KCNJ16: variants seen among roughly 807,000 people sequenced by gnomAD.
KCNJ16 encodes inward rectifier potassium channel 16.
A neutral mutation model predicts 18.5 loss-of-function variants in KCNJ16; 15 were observed. That is an observed-to-expected ratio of 0.81 (90% CI 0.54 to 1.25). KCNJ16 has a LOEUF of 1.25. Ranked by LOEUF, KCNJ16 falls within the 50% of genes most tolerant of loss-of-function variation. The pLI, the probability that KCNJ16 is intolerant of heterozygous loss-of-function variation, is 0.00. For missense variants in KCNJ16, 523 were observed against 525.7 expected (o/e 0.99, Z 0.05); for synonymous variants, 174 against 186.5 (o/e 0.93, Z 0.55).
intron 2 of KCNJ16, among the ~76,000 whole-genome samples, chr17:70,123,276 AAC>A (rs761512347): frequency 6.6e-6 from 1 of 151,476 alleles, no homozygotes; most frequent in Non-Finnish European, 1.5e-5. Flanking sequence ...TTGAAAAGAT[AAC>A]AGTTTAGCTT....
In KCNJ16 at chr17:70,132,980, C is replaced by G. The variant is rs1392272217; in HGVS notation, c.893C>G (p.Ser298Cys). The change falls in exon 4 of 4, where the codon TCC (serine) becomes TGC (cysteine). Residue 298 changes from serine to cysteine, a missense_variant. Ser to Cys is a moderately radical substitution (Grantham distance 112, BLOSUM62 -1). Transcript: ENST00000392671. The part of the protein sequence containing the change: ...STGTSHQSRS[S>C]YVPREILWGH... The stretch of plus-strand genomic sequence containing the variant: ...GGAACATCTCACCAATCTAGAAGCT[C>G]CTATGTTCCCCGAGAAATTCTCTGG... The G allele has an allele frequency of 2.5e-6, 4 of 1,614,032 alleles. No homozygotes were observed. In the Admixed American group the frequency reaches 5.0e-5, roughly 20 times the overall value.
At chr17:70,101,081 T>C (rs1337120167) in intron 2 of KCNJ16, 1 of 152,250 alleles carries the variant, frequency 6.6e-6, no homozygotes, top group African/African-American at 2.4e-5. Context: ...AAAACTTGTC[T>C]ACTTGGTTAT....
intron 2 of KCNJ16, among the ~76,000 whole-genome samples, chr17:70,113,033 C>G (rs1254866337): frequency 2.0e-5 from 3 of 152,178 alleles, no homozygotes; most frequent in African/African-American, 7.2e-5. Flanking sequence ...TCTTTCTCAT[C>G]TGATAGCTTG....
chr17:70,083,935 G>A (rs1024806018), intron 1 of KCNJ16, among the ~76,000 whole-genome samples: 8 of 152,046 alleles, frequency 5.3e-5, no homozygotes, highest in Non-Finnish European at 1.0e-4. Context: ...GCCCATGTTG[G>A]TGTCCCATGG....
At chr17:70,120,209 T>C (rs2073576572) in intron 2 of KCNJ16, among the ~76,000 whole-genome samples, 3 of 152,190 alleles carry the variant, frequency 2.0e-5, no homozygotes, top group African/African-American at 7.2e-5. Context: ...CATTTCCATC[T>C]GAGACCGTGT....
chr17:70,097,489 G>A, intron 1 of KCNJ16, among the ~76,000 whole-genome samples: 1 of 152,108 alleles, frequency 6.6e-6, no homozygotes, highest in East Asian at 1.9e-4. Flanking sequence ...AGAAATAAGA[G>A]CTCCATCAGG....
chr17:70,099,361 A>C (rs1463736882), intron 1 of KCNJ16, among the ~76,000 whole-genome samples: 1 of 152,230 alleles, frequency 6.6e-6, no homozygotes, highest in Non-Finnish European at 1.5e-5. Flanking sequence ...TCCTGGAAGT[A>C]GTACGAGACT....
chr17:70,129,284 C>A (rs1042820222), intron 2 of KCNJ16, among the ~76,000 whole-genome samples: 11 of 152,198 alleles, frequency 7.2e-5, no homozygotes, highest in South Asian at 4.1e-4. Context: ...GAGTTTTAAT[C>A]CTAAGAAACA....
chr17:70,096,321 T>C (rs1475819809), intron 1 of KCNJ16, among the ~76,000 whole-genome samples: 5 of 152,294 alleles, frequency 3.3e-5, no homozygotes, highest in East Asian at 1.9e-4. Context: ...ATAGTTCAAA[T>C]TGGCTCTATT....
In KCNJ16 at chr17:70,135,559, A is replaced by G. The variant is rs565492681; in HGVS notation, c.*2215A>G. On this transcript the variant is annotated 3_prime_UTR_variant, in exon 4 of 4. Coordinates refer to ENST00000392671, the MANE Select transcript of KCNJ16 (RefSeq NM_170741.4). ...CTGTGTAATTTTATAACATACTTTG[A>G]CAACCCCAGTGAGTTACTTAATAAT... 6.0e-6 allele frequency: 1 copy of G among 166,834 alleles called. No homozygotes were observed. The highest frequency in any genetic ancestry group is 1.9e-4 in the East Asian group (1 of 5,186). The allele number at this position is 166,834 out of a possible 1,614,324, so 10.3% of individuals were successfully genotyped here.
intron 2 of KCNJ16, among the ~76,000 whole-genome samples, chr17:70,126,849 G>T (rs931829701): frequency 1.3e-5 from 2 of 152,194 alleles, no homozygotes; most frequent in African/African-American, 2.4e-5. Context: ...CGTAATCCCA[G>T]ATTCTACATT....
intron 1 of KCNJ16, among the ~76,000 whole-genome samples, chr17:70,084,705 T>A (rs1211121362): frequency 6.6e-6 from 1 of 152,162 alleles, no homozygotes; most frequent in Non-Finnish European, 1.5e-5. Context: ...ATTATGCTGA[T>A]TTTGCTAATC....
chr17:70,089,082 C>G (rs180988792), intron 1 of KCNJ16, among the ~76,000 whole-genome samples: 2 of 152,200 alleles, frequency 1.3e-5, no homozygotes, highest in Non-Finnish European at 2.9e-5. Context: ...TACTTTGGTC[C>G]TACGTTGCTG....
rs1432307668 is a variant in KCNJ16, at chr17:70,135,356, A to T, written c.*2012A>T. The T allele has an allele frequency of 3.0e-5, 5 of 167,056 alleles. No individual in the cohort carries two copies. The highest frequency in any genetic ancestry group is 7.3e-5 in the Non-Finnish European group (5 of 68,110). 10.3% of individuals were successfully genotyped at this position (167,056 alleles called of 1,614,324 possible). ...TTTTACCTACATCTAGTTTCATTTC[A>T]TCTTGCTTTGCTTTGTTGACTCTGC... On this transcript the variant is annotated 3_prime_UTR_variant, in exon 4 of 4. Transcript: ENST00000392671.
intron 1 of KCNJ16, among the ~76,000 whole-genome samples, chr17:70,075,901 T>A (rs904214311): frequency 2.6e-5 from 4 of 152,150 alleles, no homozygotes; most frequent in Non-Finnish European, 4.4e-5. Context: ...TTTTTCTAGA[T>A]TTATTTTAAC....
At position 70,133,288 on chromosome 17, in the gene KCNJ16, C is replaced by A. The variant is rs200479019; in HGVS notation, c.1201C>A (p.Pro401Thr). ...TSATHEYRET[P>T]YQKALLTLNR... ...CGCCACACATGAATATAGGGAAACA[C>A]CTTATCAGAAAGCTCTCCTGACTTT... Residue 401 changes from proline to threonine, a missense_variant, in exon 4 of 4, where the codon CCT (proline) becomes ACT (threonine). Pro to Thr is a conservative substitution (Grantham distance 38, BLOSUM62 -1). Coordinates refer to ENST00000392671, the MANE Select transcript of KCNJ16 (RefSeq NM_170741.4). 11 of 1,613,940 alleles carry A rather than the reference C, an allele frequency of 6.8e-6. No individual in the cohort carries two copies. The highest frequency in any genetic ancestry group is 9.3e-6 in the Non-Finnish European group (11 of 1,179,944).
Position 70,131,992 on chromosome 17 carries a change from T to C in KCNJ16, c.-93-3T>C. ...GTGTGTTTTTGTTGTTGTTGTTTTT[T>C]AGGTTCTAACTGAAAACCCAAACCA... On this transcript the variant is annotated splice_polypyrimidine_tract_variant and splice_region_variant and intron_variant, in intron 3 of 3. Coordinates refer to ENST00000392671, the MANE Select transcript of KCNJ16 (RefSeq NM_170741.4). The C allele has an allele frequency of 6.4e-7, 1 of 1,561,834 alleles. No homozygotes were observed. Among genetic ancestry groups the C allele is most frequent in the East Asian group, 2.3e-5 (1 of 43,742 alleles).
chr17:70,101,939 A>T (rs1187787173), intron 2 of KCNJ16: 1 of 152,166 alleles, frequency 6.6e-6, no homozygotes, highest in Admixed American at 6.5e-5. Flanking sequence ...TATTTTCTAT[A>T]GTTTATGTTG....
chr17:70,124,898 T>TTGTGTGTGTGTGTG (rs71149824), intron 2 of KCNJ16, among the ~76,000 whole-genome samples: 3,555 of 151,184 alleles, frequency 0.024, 146 homozygotes, highest in African/African-American at 0.078. Flanking sequence ...GGGTGTGTGT[T>TTGTGTGTGTGTGTG]TGTGTGTGTG....
Sources: gnomAD v4.1 joint callset for allele counts (sites outside exome capture counted in the v4.1 genomes callset) on GRCh38, gnomAD v4.1.1 for gene constraint, MANE v1.5 for transcripts, NCBI Gene and HGNC (gene_info 2026-07-23, HGNC 2026-07-21) for gene names.